Variants in ZNF277 observed in about 807,000 individuals in gnomAD.
ZNF277 encodes zinc finger protein 277.
ZNF277 carries 55 observed loss-of-function variants against 60.7 expected under a neutral mutation model. The observed-to-expected ratio is 0.91, with a 90% CI of 0.73 to 1.13. The LOEUF (loss-of-function observed/expected upper bound fraction) is 1.13, where lower values mean the gene tolerates loss of function less well. Ranked by LOEUF, ZNF277 falls within the 50% of genes most tolerant of loss-of-function variation. ZNF277 has a pLI of 0.00. For missense variants in ZNF277, 510 were observed against 523.0 expected, an observed-to-expected ratio of 0.98 and a Z score of 0.24; for synonymous variants, 178 against 179.3, an observed-to-expected ratio of 0.99 and a Z score of 0.06.
intron 7 of ZNF277, among the ~76,000 whole-genome samples, chr7:112,333,100 A>G (rs2117134809): frequency 6.6e-6 from 1 of 152,204 alleles, no homozygotes; most frequent in Non-Finnish European, 1.5e-5. Flanking sequence ...ATAAATCAAT[A>G]TGAAGAATAA....
At chr7:112,263,223 A>G (rs1237468860) in intron 1 of ZNF277, among the ~76,000 whole-genome samples, 1 of 152,160 alleles carries the variant, frequency 6.6e-6, no homozygotes, top group Non-Finnish European at 1.5e-5. Context: ...GGGTTTTGAG[A>G]CTAGTAGAGG....
chr7:112,218,463 C>A lies in ZNF277; in HGVS notation c.91+11656C>A, dbSNP rs77898799. 6.9e-3 allele frequency among the ~76,000 whole-genome samples: 1,050 copies of A among 152,208 alleles called. 9 individuals are homozygous for A. Among genetic ancestry groups the A allele is most frequent in the East Asian group, 0.058 (299 of 5,170 alleles). On this transcript the variant is annotated intron_variant, in intron 1 of 11. Transcript: ENST00000361822. The stretch of plus-strand genomic sequence containing the variant: ...TAAGCTAATTAACCTTGCATACTTA[C>A]CATTTTTTTGTGGTGAGAACATTTA...
intron 1 of ZNF277, among the ~76,000 whole-genome samples, chr7:112,244,282 G>C (rs1563202459): frequency 6.6e-6 from 1 of 152,152 alleles, no homozygotes; most frequent in Non-Finnish European, 1.5e-5. Context: ...ATTTTTTAAA[G>C]TAAGAAATAT....
Position 112,232,070 on chromosome 7 carries a change from T to TAA in ZNF277, c.91+25264_91+25265insAA, listed in dbSNP as rs1267851298. The stretch of plus-strand genomic sequence containing the variant: ...ATATATATATATATATATATATATA[T>TAA]ATATATATATATATTCCCTTAACTG... On this transcript the variant is annotated intron_variant, in intron 1 of 11. Coordinates refer to ENST00000361822, the MANE Select transcript of ZNF277 (RefSeq NM_021994.3). 7.2e-4 allele frequency among the ~76,000 whole-genome samples: 84 copies of TAA among 116,716 alleles called. 2 individuals are homozygous for TAA. The South Asian group carries it at 0.013, about 18-fold the overall frequency. The allele number at this position is 116,716 out of a possible 152,430, so 76.6% of individuals were successfully genotyped here.
intron 5 of ZNF277, among the ~76,000 whole-genome samples, 194 bp downstream of exon 5, chr7:112,318,467 T>C (rs1792894780): frequency 6.6e-6 from 1 of 152,078 alleles, no homozygotes; most frequent in South Asian, 2.1e-4. Context: ...GGGGTATAAA[T>C]TCTTAAAATG....
intron 1 of ZNF277, among the ~76,000 whole-genome samples, chr7:112,218,760 A>C (rs560063042): frequency 2.0e-5 from 3 of 152,344 alleles, no homozygotes; most frequent in African/African-American, 7.2e-5. Flanking sequence ...CGCATTCTCC[A>C]GGTTCATTCA....
At chr7:112,287,245 T>C in intron 2 of ZNF277, 171 bp downstream of exon 2, 1 of 632,222 alleles carries the variant, frequency 1.6e-6, no homozygotes, top group Non-Finnish European at 2.7e-6. Flanking sequence ...ATCAATGGCA[T>C]GCACCTGTAG....
At position 112,249,735 on chromosome 7, in the gene ZNF277, T is replaced by C. The variant is rs574700185; in HGVS notation, c.92-37138T>C. On this transcript the variant is annotated intron_variant, in intron 1 of 11. Transcript: ENST00000361822. ...ACTTTTGTAATTTCTTATGCCTGTC[T>C]TTACTGCAATCTCTAAACATAAATT... Among the ~76,000 whole-genome samples, 367 of 152,340 alleles carry C rather than the reference T, an allele frequency of 2.4e-3. 1 individual carries two copies. The highest frequency in any genetic ancestry group is 6.8e-3 in the South Asian group (33 of 4,822).
chr7:112,338,452 G>A lies in ZNF277; in HGVS notation c.966+626G>A, dbSNP rs1381289075. On this transcript the variant is annotated intron_variant, in intron 9 of 11. Transcript: ENST00000361822. The stretch of plus-strand genomic sequence containing the variant: ...CGGATAGGGAAGGGGAACATGTAAT[G>A]ATTCATGATAGTATCACAGCTTGTG... 7.2e-5 allele frequency among the ~76,000 whole-genome samples: 11 copies of A among 152,144 alleles called. No individual in the cohort carries two copies. In the East Asian group the frequency reaches 2.1e-3, roughly 29 times the overall value.
intron 1 of ZNF277, among the ~76,000 whole-genome samples, chr7:112,211,202 C>T (rs1821737883): frequency 6.6e-6 from 1 of 152,182 alleles, no homozygotes; most frequent in Non-Finnish European, 1.5e-5. Flanking sequence ...GTGATGTAAA[C>T]TCCTCATTCT....
chr7:112,257,680 G>A (rs1791349829), intron 1 of ZNF277, among the ~76,000 whole-genome samples: 1 of 152,032 alleles, frequency 6.6e-6, no homozygotes, highest in Non-Finnish European at 1.5e-5. Context: ...GAGTGGTAAG[G>A]GTCATGGCAA....
intron 10 of ZNF277, 130 bp downstream of exon 10, chr7:112,340,015 T>G: frequency 1.2e-6 from 1 of 811,166 alleles, no homozygotes; most frequent in South Asian, 1.7e-5. Flanking sequence ...TAGATGGTCT[T>G]GACAGAACTC....
intron 1 of ZNF277, among the ~76,000 whole-genome samples, chr7:112,235,774 A>G (rs909603391): frequency 6.6e-6 from 1 of 151,744 alleles, no homozygotes; most frequent in Non-Finnish European, 1.5e-5. Flanking sequence ...TCTTAATTTT[A>G]ATTATATCAA....
chr7:112,316,212 A>AG lies in ZNF277; in HGVS notation c.466-1968dup, dbSNP rs552363607. Among the ~76,000 whole-genome samples, 132 of 152,222 alleles carry AG rather than the reference A, an allele frequency of 8.7e-4. 1 individual carries two copies. Among genetic ancestry groups the AG allele is most frequent in the African/African-American group, 2.9e-3 (122 of 41,548 alleles). ...GAAAGAAAATCTTACTAGAGTAGAG[A>AG]GGTTAGATGTAGTTAGTAGAAATAG... On this transcript the variant is annotated intron_variant, in intron 4 of 11. Coordinates refer to ENST00000361822, the MANE Select transcript of ZNF277 (RefSeq NM_021994.3).
chr7:112,313,437 C>T (rs1792776087), intron 4 of ZNF277, among the ~76,000 whole-genome samples: 1 of 151,952 alleles, frequency 6.6e-6, no homozygotes, highest in Non-Finnish European at 1.5e-5. Flanking sequence ...CACGCACCAC[C>T]ATGCCTGGCC....
At chr7:112,261,986 C>G (rs2117025502) in intron 1 of ZNF277, among the ~76,000 whole-genome samples, 1 of 152,134 alleles carries the variant, frequency 6.6e-6, no homozygotes, top group East Asian at 1.9e-4. Flanking sequence ...GTATTATCTT[C>G]TATTAAACAT....
chr7:112,220,568 A>G (rs1282405475), intron 1 of ZNF277, among the ~76,000 whole-genome samples: 1 of 152,332 alleles, frequency 6.6e-6, no homozygotes, highest in East Asian at 1.9e-4. Flanking sequence ...GGTGCTGAGC[A>G]TGGGCATCCT....
At chr7:112,257,899 G>A (rs989051103) in intron 1 of ZNF277, among the ~76,000 whole-genome samples, 16 of 151,934 alleles carry the variant, frequency 1.1e-4, no homozygotes, top group South Asian at 4.2e-4. Flanking sequence ...CAGCAACCCC[G>A]AACTCCTAGG....
intron 5 of ZNF277, among the ~76,000 whole-genome samples, chr7:112,319,649 A>C (rs1166152790): frequency 6.8e-6 from 1 of 147,728 alleles, no homozygotes; most frequent in Non-Finnish European, 1.5e-5. Context: ...TATAATTTAT[A>C]AATTATATAA....
Sources: gnomAD v4.1 joint callset for allele counts (sites outside exome capture counted in the v4.1 genomes callset) on GRCh38, gnomAD v4.1.1 for gene constraint, MANE v1.5 for transcripts, NCBI Gene and HGNC (gene_info 2026-07-23, HGNC 2026-07-21) for gene names.